Variants in PNOC observed in about 807,000 individuals in gnomAD.
PNOC encodes prepronociceptin.
In PNOC, 10 loss-of-function variants were observed where a neutral mutation model predicts 15.6. The observed-to-expected ratio is 0.64, with a 90% CI of 0.40 to 1.09. The LOEUF (loss-of-function observed/expected upper bound fraction) is 1.09, where lower values mean the gene tolerates loss of function less well. PNOC is among the 50% of genes least tolerant of loss of function. The pLI is 0.01. For missense variants in PNOC, 220 were observed against 223.9 expected (o/e 0.98, Z 0.11); for synonymous variants, 98 against 88.5 (o/e 1.11, Z -0.60).
chr8:28,339,052 G>T lies in PNOC; in HGVS notation c.139G>T (p.Glu47Ter). 6.3e-7 allele frequency: 1 copy of T among 1,584,162 alleles called. No homozygotes were observed. Among genetic ancestry groups the T allele is most frequent in the Non-Finnish European group, 8.6e-7 (1 of 1,156,378 alleles). The change falls in exon 3 of 4, where the codon GAG (glutamate) becomes TAG (stop). Residue 47 changes from glutamate (E) to a stop codon, truncating the protein, a stop_gained. Transcript: ENST00000301908. LOFTEE classifies it high-confidence loss of function. ...DSFDLEVCIL[E>*]CEEKVFPSPL... is the part of the protein sequence containing the mutation. ...CGTATCTTTGCAGGTGTGCATCCTC[G>T]AGTGTGAAGAGAAGGTCTTCCCCAG...
chr8:28,336,046 G>A (rs1193016447), intron 2 of PNOC, among the ~76,000 whole-genome samples: 1 of 152,182 alleles, frequency 6.6e-6, no homozygotes, highest in African/African-American at 2.4e-5. Flanking sequence ...TAAGCACTAG[G>A]GGCGTCCCAG....
At chr8:28,325,672 G>GA (rs558412916) in intron 1 of PNOC, among the ~76,000 whole-genome samples, 17,280 of 94,416 alleles carry the variant, frequency 0.18, 1,368 homozygotes, top group Admixed American at 0.3. Context: ...AAAAGAAAAA[G>GA]AAAAAAAAAA....
At chr8:28,325,955 C>G (rs1055291778) in intron 1 of PNOC, among the ~76,000 whole-genome samples, 4 of 152,150 alleles carry the variant, frequency 2.6e-5, no homozygotes, top group Non-Finnish European at 4.4e-5. Flanking sequence ...AACTAAAGCC[C>G]TGGTCCTTGG....
chr8:28,333,770 A>C (rs1453115258), intron 2 of PNOC, among the ~76,000 whole-genome samples: 5 of 152,178 alleles, frequency 3.3e-5, no homozygotes, highest in Non-Finnish European at 2.9e-5. Flanking sequence ...ACTTGTTTCC[A>C]TAAACTGACG....
At chr8:28,325,651 C>CAA (rs1260926640) in intron 1 of PNOC, among the ~76,000 whole-genome samples, 18 of 54,050 alleles carry the variant, frequency 3.3e-4, no homozygotes, top group South Asian at 2.6e-3. Context: ...GACTCTGTCT[C>CAA]AAAAAAAAAA....
chr8:28,337,316 C>T (rs1005153163), intron 2 of PNOC, among the ~76,000 whole-genome samples: 4 of 151,128 alleles, frequency 2.6e-5, no homozygotes, highest in Non-Finnish European at 5.9e-5. Flanking sequence ...CCTTTTTTTT[C>T]TTTTTAGGCA....
chr8:28,325,672 G>GAAAAAAAAAAAA (rs558412916), intron 1 of PNOC, among the ~76,000 whole-genome samples: 1 of 94,482 alleles, frequency 1.1e-5, no homozygotes, highest in Non-Finnish European at 2.5e-5. Context: ...AAAAGAAAAA[G>GAAAAAAAAAAAA]AAAAAAAAAA....
chr8:28,318,171 T>A (rs1801090210), intron 1 of PNOC, among the ~76,000 whole-genome samples: 1 of 152,048 alleles, frequency 6.6e-6, no homozygotes, highest in Admixed American at 6.6e-5. Flanking sequence ...TGTGCATCTC[T>A]CTCCCTCGAG....
At chr8:28,320,987 T>G (rs1328592357) in intron 1 of PNOC, among the ~76,000 whole-genome samples, 1 of 152,178 alleles carries the variant, frequency 6.6e-6, no homozygotes, top group African/African-American at 2.4e-5. Context: ...AGCTTTTCTT[T>G]CTTTCTTTTT....
intron 1 of PNOC, among the ~76,000 whole-genome samples, chr8:28,317,811 A>G (rs1246757831): frequency 2.0e-5 from 3 of 152,050 alleles, no homozygotes; most frequent in Non-Finnish European, 4.4e-5. Context: ...ACTTGATGCC[A>G]TCCAGATGGG....
intron 3 of PNOC, among the ~76,000 whole-genome samples, chr8:28,340,609 T>C (rs1801500388): frequency 6.6e-6 from 1 of 152,246 alleles, no homozygotes. Context: ...CCATTTTGCA[T>C]TGCTACGAAG....
At chr8:28,327,877 C>T (rs1440745422) in intron 1 of PNOC, among the ~76,000 whole-genome samples, 1 of 151,898 alleles carries the variant, frequency 6.6e-6, no homozygotes, top group Non-Finnish European at 1.5e-5. Context: ...AAGGTGCCTG[C>T]AGATTCAGTG....
In PNOC at chr8:28,329,239, T is replaced by C; in HGVS notation, c.82T>C (p.Cys28Arg). The C allele has an allele frequency of 1.9e-6, 3 of 1,614,034 alleles. No individual in the cohort carries two copies. Among genetic ancestry groups the C allele is most frequent in the Non-Finnish European group, 2.5e-6 (3 of 1,180,034 alleles). Residue 28 changes from cysteine (C) to arginine (R), a missense_variant, in exon 2 of 4, where the codon TGC (cysteine) becomes CGC (arginine). Transcript: ENST00000301908. ...CAGTTGTCAGAGGGACTGTCTCACA[T>C]GCCAGGAGAAGCTCCACCCAGCCCT... is the stretch of plus-strand genomic sequence containing the variant. ...FSSCQRDCLTCQEKLHPALDS... is the reference protein window; with the variant it reads ...FSSCQRDCLTRQEKLHPALDS...
chr8:28,336,520 T>G (rs539206680), intron 2 of PNOC, among the ~76,000 whole-genome samples: 7 of 152,170 alleles, frequency 4.6e-5, no homozygotes, highest in African/African-American at 1.4e-4. Flanking sequence ...TTGCGGTGTT[T>G]AAGGCACTAG....
rs10685321 is a variant in PNOC at position 28,337,581 on chromosome 8, C to CTTT, written c.127-1442_127-1440dup. 9.1e-3 allele frequency among the ~76,000 whole-genome samples: 1,061 copies of CTTT among 117,100 alleles called. 33 individuals carry two copies. The highest frequency in any genetic ancestry group is 0.02 in the East Asian group (80 of 4,078). The allele number at this position is 117,100 out of a possible 152,430, so 76.8% of individuals were successfully genotyped here. On this transcript the variant is annotated intron_variant, in intron 2 of 3. Coordinates refer to ENST00000301908, the MANE Select transcript of PNOC (RefSeq NM_006228.5). ...TCCCAAAGTTCTGGGATTACGTTTC[C>CTTT]TTTTTTTTTTTTTTTTTTTGAGACG...
intron 1 of PNOC, among the ~76,000 whole-genome samples, chr8:28,328,059 CTTTT>C (rs67204932): frequency 1.3e-3 from 110 of 82,106 alleles, no homozygotes; most frequent in Non-Finnish European, 1.9e-3. Context: ...CTCTCTCTCT[CTTTT>C]TTTTTTTTTT....
At chr8:28,336,017 C>T (rs1585838216) in intron 2 of PNOC, among the ~76,000 whole-genome samples, 1 of 72,514 alleles carries the variant, frequency 1.4e-5, no homozygotes, top group Non-Finnish European at 5.0e-5. Context: ...ACAGGAGCTG[C>T]CTGCAACAGT....
intron 1 of PNOC, among the ~76,000 whole-genome samples, chr8:28,327,544 G>C (rs1801245068): frequency 6.6e-6 from 1 of 151,550 alleles, no homozygotes; most frequent in Non-Finnish European, 1.5e-5. Flanking sequence ...ATACTGGGTG[G>C]CTTATAAACA....
chr8:28,327,405 C>T (rs773292566), intron 1 of PNOC, among the ~76,000 whole-genome samples: 5 of 152,262 alleles, frequency 3.3e-5, no homozygotes, highest in South Asian at 4.1e-4. Context: ...TTTCTTTGTT[C>T]GGTTTTAAAT....
Sources: allele counts gnomAD v4.1 joint callset (sites outside exome capture counted in the v4.1 genomes callset), GRCh38; gene constraint gnomAD v4.1.1; transcripts MANE v1.5; gene names NCBI Gene and HGNC (gene_info 2026-07-23, HGNC 2026-07-21).